Variants in KSR2 observed in about 807,000 individuals in gnomAD.
The protein encoded by KSR2 is kinase suppressor of ras 2.
KSR2 carries 25 observed loss-of-function variants against 107.8 expected under a neutral mutation model. The observed-to-expected ratio is 0.23, with a 90% CI of 0.17 to 0.32. The LOEUF (loss-of-function observed/expected upper bound fraction) is 0.32. Among genes scored for constraint, KSR2 ranks in the 10% least tolerant of loss-of-function variants. KSR2 has a pLI of 1.00. For missense variants in KSR2, 887 were observed against 1,268.9 expected, an observed-to-expected ratio of 0.70 and a Z score of 4.57; for synonymous variants, 480 against 507.0, an observed-to-expected ratio of 0.95 and a Z score of 0.71.
intron 5 of KSR2, among the ~76,000 whole-genome samples, chr12:117,641,245 T>C (rs1883340896): frequency 6.6e-6 from 1 of 152,148 alleles, no homozygotes. Context: ...TACAGGCGTG[T>C]GCCACCACGC....
At chr12:117,651,799 T>A (rs2138697) in intron 5 of KSR2, among the ~76,000 whole-genome samples, 2 of 152,094 alleles carry the variant, frequency 1.3e-5, no homozygotes, top group African/African-American at 4.8e-5. Flanking sequence ...CAATGTCTTA[T>A]GAAATAGATT....
At chr12:117,919,464 T>A (rs1195924371) in intron 1 of KSR2, among the ~76,000 whole-genome samples, 2 of 152,182 alleles carry the variant, frequency 1.3e-5, no homozygotes, top group African/African-American at 4.8e-5. Flanking sequence ...ATGTGAATCT[T>A]CAAGGAAGCA....
intron 3 of KSR2, among the ~76,000 whole-genome samples, chr12:117,816,266 A>T (rs939750667): frequency 2.6e-5 from 4 of 152,138 alleles, no homozygotes; most frequent in African/African-American, 9.7e-5. Context: ...AGGAAGCCCA[A>T]GCAGCCACCT....
chr12:117,950,905 T>G (rs1358529325), intron 1 of KSR2, among the ~76,000 whole-genome samples: 3 of 151,516 alleles, frequency 2.0e-5, no homozygotes, highest in Non-Finnish European at 4.4e-5. Context: ...CAGCGGTTCT[T>G]CTTATTTATT....
At chr12:117,475,967 C>A (rs1441831336) in intron 17 of KSR2, among the ~76,000 whole-genome samples, 1 of 152,200 alleles carries the variant, frequency 6.6e-6, no homozygotes, top group South Asian at 2.1e-4. Flanking sequence ...GGATCCCCAG[C>A]CTGCTGAGCC....
intron 4 of KSR2, among the ~76,000 whole-genome samples, chr12:117,731,771 C>A (rs1020067963): frequency 4.0e-5 from 6 of 151,796 alleles, no homozygotes; most frequent in South Asian, 4.2e-4. Flanking sequence ...GTGCTGTGTC[C>A]ACTCAGGGTT....
At chr12:117,535,201 G>A (rs1222549736) in intron 10 of KSR2, among the ~76,000 whole-genome samples, 1 of 152,198 alleles carries the variant, frequency 6.6e-6, no homozygotes, top group Non-Finnish European at 1.5e-5. Flanking sequence ...TGAGGGCCAA[G>A]AAGAAAATTT....
intron 10 of KSR2, among the ~76,000 whole-genome samples, chr12:117,535,971 C>T (rs1876024737): frequency 6.6e-6 from 1 of 152,140 alleles, no homozygotes; most frequent in African/African-American, 2.4e-5. Context: ...GCCATGTCCA[C>T]ATGGCCCCAG....
intron 3 of KSR2, among the ~76,000 whole-genome samples, chr12:117,801,662 T>C (rs1890837596): frequency 6.6e-6 from 1 of 152,112 alleles, no homozygotes; most frequent in African/African-American, 2.4e-5. Flanking sequence ...ACTCACTCAC[T>C]ATCCCAAGAA....
At chr12:117,925,658 A>G (rs1004522757) in intron 1 of KSR2, among the ~76,000 whole-genome samples, 5 of 152,210 alleles carry the variant, frequency 3.3e-5, no homozygotes, top group African/African-American at 1.2e-4. Flanking sequence ...AAGGCTAAGC[A>G]TTTCACATGT....
intron 2 of KSR2, among the ~76,000 whole-genome samples, 170 bp downstream of exon 2, chr12:117,860,117 CCATT>C (rs1394625191): frequency 6.6e-6 from 1 of 152,186 alleles, no homozygotes; most frequent in African/African-American, 2.4e-5. Context: ...CTCAATGACC[CCATT>C]CAGACAGCAT....
At chr12:117,577,361 G>A (rs1879345329) in intron 7 of KSR2, among the ~76,000 whole-genome samples, 1 of 144,514 alleles carries the variant, frequency 6.9e-6, no homozygotes, top group Non-Finnish European at 1.5e-5. Flanking sequence ...GAAGGAGAGA[G>A]AGAGAGGGGG....
At chr12:117,684,046 C>A (rs1431051304) in intron 4 of KSR2, among the ~76,000 whole-genome samples, 1 of 152,210 alleles carries the variant, frequency 6.6e-6, no homozygotes, top group Non-Finnish European at 1.5e-5. Flanking sequence ...AGGATCTAGA[C>A]TTACCTGAAA....
At chr12:117,635,608 T>C (rs915413453) in intron 5 of KSR2, among the ~76,000 whole-genome samples, 31 of 152,284 alleles carry the variant, frequency 2.0e-4, no homozygotes, top group Middle Eastern at 6.8e-3. Context: ...ACAGAAAATA[T>C]AATTTTTTAA....
At chr12:117,754,514 T>A (rs1198654551) in intron 4 of KSR2, among the ~76,000 whole-genome samples, 1 of 152,122 alleles carries the variant, frequency 6.6e-6, no homozygotes, top group Non-Finnish European at 1.5e-5. Flanking sequence ...GGCATGCACC[T>A]GTAATCCCAG....
chr12:117,740,115 G>A (rs1888116431), intron 4 of KSR2, among the ~76,000 whole-genome samples: 4 of 146,710 alleles, frequency 2.7e-5, no homozygotes, highest in South Asian at 2.2e-4. Context: ...AAAGTTCATT[G>A]TATCATTCTT....
chr12:117,537,167 C>T (rs879690560), intron 10 of KSR2, among the ~76,000 whole-genome samples: 4 of 152,104 alleles, frequency 2.6e-5, no homozygotes, highest in South Asian at 4.1e-4. Flanking sequence ...GAACCAAGAT[C>T]GCACCACTGC....
At chr12:117,763,005 A>T (rs1280889754) in intron 3 of KSR2, among the ~76,000 whole-genome samples, 14 of 151,954 alleles carry the variant, frequency 9.2e-5, no homozygotes, top group Admixed American at 6.6e-4. Flanking sequence ...TCGTCATTTA[A>T]CATTAGGTAT....
chr12:117,754,004 T>C (rs1888702813), intron 4 of KSR2, among the ~76,000 whole-genome samples: 1 of 138,132 alleles, frequency 7.2e-6, no homozygotes. Context: ...GTGTGTGTTT[T>C]AGGAATGCCA....
Sources: gnomAD v4.1 joint callset for allele counts (sites outside exome capture counted in the v4.1 genomes callset) on GRCh38, gnomAD v4.1.1 for gene constraint, MANE v1.5 for transcripts, NCBI Gene and HGNC (gene_info 2026-07-23, HGNC 2026-07-21) for gene names.